The following TMEM232 variants were observed in gnomAD, a reference collection of about 807,000 sequenced individuals.
TMEM232 encodes the protein transmembrane protein 232.
Under a neutral mutation model 78.8 loss-of-function variants are expected in TMEM232, and 80 were observed. That is an observed-to-expected ratio of 1.01 (90% CI 0.85 to 1.22). The LOEUF (loss-of-function observed/expected upper bound fraction) is 1.22, where lower values mean the gene tolerates loss of function less well. Among genes scored for constraint, TMEM232 ranks in the 50% most tolerant of loss-of-function variants. The pLI is 0.00. For synonymous variants in TMEM232, 297 were observed against 254.3 expected (o/e 1.17, Z -1.60); for missense variants, 881 against 742.2 (o/e 1.19, Z -2.17).
upstream of TMEM232, among the ~76,000 whole-genome samples, chr5:110,729,764 A>AT (rs113392735): frequency 1.7e-4 from 25 of 151,430 alleles, no homozygotes; most frequent in East Asian, 5.8e-4. Flanking sequence ...CTAGAACAGC[A>AT]TTTTTTTTTC....
chr5:110,583,966 C>CAAAAAAA (rs60079206), intron 10 of TMEM232, among the ~76,000 whole-genome samples: 3 of 99,062 alleles, frequency 3.0e-5, no homozygotes, highest in East Asian at 2.6e-4. Context: ...TATCTATTAT[C>CAAAAAAA]AAAAAAAAAA....
intron 1 of TMEM232, among the ~76,000 whole-genome samples, chr5:110,678,613 T>C (rs1191559782): frequency 6.6e-6 from 1 of 152,178 alleles, no homozygotes; most frequent in Non-Finnish European, 1.5e-5. Context: ...ATGTCATGTA[T>C]GCATTATAGT....
At chr5:110,587,907 C>G (rs1455818586) in intron 10 of TMEM232, among the ~76,000 whole-genome samples, 2 of 151,380 alleles carry the variant, frequency 1.3e-5, no homozygotes, top group Non-Finnish European at 2.9e-5. Flanking sequence ...GCACACAGAA[C>G]AGTGAATGAT....
At chr5:110,694,674 A>G (rs920358791) in intron 1 of TMEM232, among the ~76,000 whole-genome samples, 1 of 151,932 alleles carries the variant, frequency 6.6e-6, no homozygotes, top group African/African-American at 2.4e-5. Flanking sequence ...GATAAAACAG[A>G]CTTTAAACCA....
At chr5:110,624,399 CTT>C (rs35861290) in intron 7 of TMEM232, among the ~76,000 whole-genome samples, 5,744 of 151,906 alleles carry the variant, frequency 0.038, 271 homozygotes, top group East Asian at 0.22. Flanking sequence ...ATAATGACGA[CTT>C]TTTAAAGATA....
At chr5:110,530,198 T>A (rs1260323308) in intron 11 of TMEM232, among the ~76,000 whole-genome samples, 1 of 152,142 alleles carries the variant, frequency 6.6e-6, no homozygotes, top group East Asian at 1.9e-4. Flanking sequence ...AGTCTCAGGA[T>A]ATAGACTGAA....
intron 3 of TMEM232, among the ~76,000 whole-genome samples, chr5:110,394,170 T>C (rs1222764464): frequency 6.6e-6 from 1 of 152,186 alleles, no homozygotes; most frequent in Non-Finnish European, 1.5e-5. Context: ...TTTTAACTTC[T>C]AGCTTCCACA....
chr5:110,651,170 G>T (rs1163981630), intron 2 of TMEM232, among the ~76,000 whole-genome samples: 1 of 151,986 alleles, frequency 6.6e-6, no homozygotes, highest in African/African-American at 2.4e-5. Flanking sequence ...TTGTCTCATG[G>T]GTCTTATACT....
chr5:110,435,612 C>T (rs541185496), intron 12 of TMEM232, among the ~76,000 whole-genome samples: 2 of 151,842 alleles, frequency 1.3e-5, no homozygotes, highest in Non-Finnish European at 2.9e-5. Flanking sequence ...TTCCCCTCTA[C>T]CCTTCACTAC....
At chr5:110,684,121 T>A (rs947953208) in intron 1 of TMEM232, among the ~76,000 whole-genome samples, 1 of 152,078 alleles carries the variant, frequency 6.6e-6, no homozygotes, top group East Asian at 1.9e-4. Context: ...TAATGATAAA[T>A]CATTGGAAGC....
intron 12 of TMEM232, among the ~76,000 whole-genome samples, chr5:110,510,194 A>G (rs1767555828): frequency 6.6e-6 from 1 of 152,280 alleles, no homozygotes; most frequent in African/African-American, 2.4e-5. Flanking sequence ...CTGAACTACA[A>G]AATTTTGAAA....
intron 1 of TMEM232, among the ~76,000 whole-genome samples, chr5:110,693,647 C>T (rs913684179): frequency 3.9e-5 from 6 of 152,134 alleles, no homozygotes; most frequent in Non-Finnish European, 8.8e-5. Flanking sequence ...ACAACAACTA[C>T]GTGACGAATC....
At chr5:110,392,610 A>T (rs1200839658) in intron 3 of TMEM232, among the ~76,000 whole-genome samples, 1 of 152,190 alleles carries the variant, frequency 6.6e-6, no homozygotes, top group Non-Finnish European at 1.5e-5. Flanking sequence ...TCGTCACATG[A>T]TGGAGAGAGA....
At position 110,626,977 on chromosome 5, in the gene TMEM232, G is replaced by A. The variant is rs567308169; in HGVS notation, c.601+804C>T. On this transcript the variant is annotated intron_variant, in intron 6 of 13. Transcript: ENST00000455884. Reference sequence around the variant, plus strand: ...TAGTTTCTCCCTGCCCCTCGCCCTCGGCCACATTAACATGGATGACTGTCA... The same window carrying A: ...TAGTTTCTCCCTGCCCCTCGCCCTCAGCCACATTAACATGGATGACTGTCA... 4.6e-5 allele frequency among the ~76,000 whole-genome samples: 7 copies of A among 151,784 alleles called. No homozygotes were observed. The East Asian group carries it at 5.8e-4, about 13-fold the overall frequency.
chr5:110,664,259 A>T (rs1790250444), intron 2 of TMEM232, among the ~76,000 whole-genome samples: 1 of 152,198 alleles, frequency 6.6e-6, no homozygotes, highest in South Asian at 2.1e-4. Context: ...AAATAAGGAA[A>T]ATTCATTATA....
At chr5:110,418,749 G>A (rs1756378067), downstream of TMEM232, among the ~76,000 whole-genome samples, 1 of 152,136 alleles carries the variant, frequency 6.6e-6, no homozygotes, top group African/African-American at 2.4e-5. Flanking sequence ...ACCTAAGTCT[G>A]CAGTGAGGAG....
intron 2 of TMEM232, among the ~76,000 whole-genome samples, chr5:110,406,825 A>G (rs1026050779): frequency 6.6e-6 from 1 of 152,106 alleles, no homozygotes; most frequent in Admixed American, 6.6e-5. Flanking sequence ...AGAAAACTGA[A>G]AATCAAAATG....
chr5:110,610,774 G>A (rs1782173972), intron 8 of TMEM232, among the ~76,000 whole-genome samples: 1 of 151,976 alleles, frequency 6.6e-6, no homozygotes, highest in African/African-American at 2.4e-5. Context: ...AATTTGAAGG[G>A]GGAATTAAAC....
chr5:110,440,308 C>G (rs1228757077), intron 12 of TMEM232, among the ~76,000 whole-genome samples: 2 of 152,088 alleles, frequency 1.3e-5, no homozygotes, highest in African/African-American at 2.4e-5. Context: ...TGCTGTGTTG[C>G]CATTCTGCTG....
Sources: allele counts gnomAD v4.1 joint callset (sites outside exome capture counted in the v4.1 genomes callset), GRCh38; gene constraint gnomAD v4.1.1; transcripts MANE v1.5; gene names NCBI Gene and HGNC (gene_info 2026-07-23, HGNC 2026-07-21).